AKAP9: variants seen among roughly 807,000 people sequenced by gnomAD.
AKAP9 encodes A-kinase anchoring protein 9.
A neutral mutation model predicts 488.5 loss-of-function variants in AKAP9; 311 were observed. That is an observed-to-expected ratio of 0.64 (90% CI 0.58 to 0.70). The LOEUF (loss-of-function observed/expected upper bound fraction) is 0.70, where lower values mean the gene tolerates loss of function less well. AKAP9 is among the 30% of genes least tolerant of loss of function. The pLI is 0.00. For missense variants in AKAP9, 4,215 were observed against 4,374.5 expected, an observed-to-expected ratio of 0.96 and a Z score of 1.03; for synonymous variants, 1,462 against 1,483.5, an observed-to-expected ratio of 0.99 and a Z score of 0.33.
At chr7:92,086,181 A>G (rs763336927) in intron 36 of AKAP9, 47 bp from the exon 37 acceptor site, 11 of 1,476,422 alleles carry the variant, frequency 7.5e-6, no homozygotes, top group Non-Finnish European at 7.5e-6. Context: ...AATGTTTTTA[A>G]AACATGCTTA....
intron 48 of AKAP9, among the ~76,000 whole-genome samples, 195 bp from the exon 49 acceptor site, chr7:92,108,299 T>A (rs1314368175): frequency 6.6e-6 from 1 of 152,252 alleles, no homozygotes; most frequent in Non-Finnish European, 1.5e-5. Flanking sequence ...ATTCTTATGT[T>A]GACTTAGTAG....
chr7:92,054,280 T>C (rs1271724542), intron 22 of AKAP9, among the ~76,000 whole-genome samples: 1 of 152,144 alleles, frequency 6.6e-6, no homozygotes, highest in Non-Finnish European at 1.5e-5. Flanking sequence ...AAATAACTTA[T>C]ATTCCACTTT....
rs140892789 is a variant in AKAP9, at chr7:91,949,158, AAT to A, written c.48+8022_48+8023del. Among the ~76,000 whole-genome samples the A allele has an allele frequency of 1.1e-3, 171 of 151,660 alleles. 2 individuals are homozygous for A. In the East Asian group the frequency reaches 0.031, roughly 28 times the overall value. On this transcript the variant is annotated intron_variant, in intron 1 of 49. Coordinates refer to ENST00000356239, the MANE Select transcript of AKAP9 (RefSeq NM_005751.5). ...TAATATTAATTATATATGTATATAA[AAT>A]ATATATATATCCTTTCCGTATGTGT...
chr7:92,061,518 A>G (rs1809787797), intron 23 of AKAP9, 96 bp downstream of exon 23: 5 of 1,362,528 alleles, frequency 3.7e-6, no homozygotes, highest in Non-Finnish European at 4.1e-6. Flanking sequence ...CGTCAATCCA[A>G]TTTAGAATGA....
In AKAP9 at chr7:92,070,177, C is replaced by G; in HGVS notation, c.6478C>G (p.Leu2160Val). 6.2e-7 allele frequency: 1 copy of G among 1,613,992 alleles called. No individual in the cohort carries two copies. The highest frequency in any genetic ancestry group is 2.2e-5 in the East Asian group (1 of 44,860). The change falls in exon 27 of 50, where the codon CTT becomes GTT. Residue 2160 changes from leucine to valine, a missense_variant. By Grantham distance (32) the Leu-to-Val change is conservative (BLOSUM62 1). This residue lies in a region of AKAP9 where 2,361 missense variants were observed against 2,430.0 expected (regional missense o/e 0.97). Coordinates refer to ENST00000356239, the MANE Select transcript of AKAP9 (RefSeq NM_005751.5). ...EFRVRELEQA[L>V]LVSADTFQKV... ...CAGAGTAAGAGAACTGGAGCAGGCG[C>G]TTCTTGTGAGTGCAGATACTTTTCA...
At chr7:91,967,116 A>G (rs917238607) in intron 1 of AKAP9, among the ~76,000 whole-genome samples, 11 of 151,496 alleles carry the variant, frequency 7.3e-5, no homozygotes, top group South Asian at 4.2e-4. Context: ...TCTTTTTCAG[A>G]TTGTTTGCTG....
intron 2 of AKAP9, among the ~76,000 whole-genome samples, chr7:91,974,193 CTG>C (rs576117048): frequency 1.0e-3 from 155 of 152,270 alleles, no homozygotes; most frequent in African/African-American, 3.7e-3. Context: ...ACACCAAAGA[CTG>C]AGCACCAGAG....
rs58922447 is a variant in AKAP9 at position 92,008,983 on chromosome 7, TA to T, written c.3319-3429del. 3.8e-3 allele frequency among the ~76,000 whole-genome samples: 492 copies of T among 130,628 alleles called. 1 individual carries two copies. Among genetic ancestry groups the T allele is most frequent in the African/African-American group, 5.4e-3 (189 of 34,854 alleles). 85.7% of individuals were successfully genotyped at this position (130,628 alleles called of 152,430 possible). On this transcript the variant is annotated intron_variant, in intron 8 of 49. Coordinates refer to ENST00000356239, the MANE Select transcript of AKAP9 (RefSeq NM_005751.5). ...CCTGGCAACAGAGCGAGACTCCATT[TA>T]AAAAAAAAAAAAAAAAGAAAATGAT...
chr7:92,062,256 G>T lies in AKAP9; in HGVS notation c.5765-18G>T. ...GAAATGAATAATAGTTCTATTTTCT[G>T]TTAATTTTGTATTATAGGCGTCATT... On this transcript the variant is annotated intron_variant, in intron 23 of 49. Transcript: ENST00000356239. 1 of 1,594,830 alleles carries T rather than the reference G, an allele frequency of 6.3e-7. No individual in the cohort carries two copies. The highest frequency in any genetic ancestry group is 8.6e-7 in the Non-Finnish European group (1 of 1,163,216).
chr7:91,957,966 A>G (rs1437306954), intron 1 of AKAP9, among the ~76,000 whole-genome samples: 1 of 152,168 alleles, frequency 6.6e-6, no homozygotes, highest in African/African-American at 2.4e-5. Context: ...GTTTAGAGAT[A>G]TGCAGAGATT....
At chr7:92,098,773 C>T (rs1435376076) in intron 43 of AKAP9, among the ~76,000 whole-genome samples, 1 of 152,210 alleles carries the variant, frequency 6.6e-6, no homozygotes, top group Non-Finnish European at 1.5e-5. Flanking sequence ...CCTGAGCTCT[C>T]ACTAGACTTA....
At chr7:91,984,014 A>T (rs1291151753) in intron 3 of AKAP9, among the ~76,000 whole-genome samples, 2 of 151,948 alleles carry the variant, frequency 1.3e-5, no homozygotes, top group Admixed American at 6.6e-5. Flanking sequence ...TAAGTTCTTT[A>T]TAGATTCTGG....
chr7:92,052,750 A>G lies in AKAP9; in HGVS notation c.5393A>G (p.Tyr1798Cys). Reference protein sequence around the residue: ...TRVTDESIPSYSGSDMPRNDI... With the variant: ...TRVTDESIPSCSGSDMPRNDI... ...GTTACAGATGAATCCATTCCCTCTT[A>G]TTCTGGAAGTGATATGCCAAGAAAT... is the stretch of plus-strand genomic sequence containing the variant. Residue 1798 changes from tyrosine to cysteine, a missense_variant, in exon 22 of 50, where the codon TAT becomes TGT. Tyr to Cys is a radical substitution (Grantham distance 194, BLOSUM62 -2). Around this residue, in one of 5 missense-constraint regions of AKAP9, gnomAD observed 2,361 missense variants for 2,430.0 expected, o/e 0.97. Coordinates refer to ENST00000356239, the MANE Select transcript of AKAP9 (RefSeq NM_005751.5). The G allele has an allele frequency of 2.5e-6, 4 of 1,612,988 alleles. No homozygotes were observed. Among genetic ancestry groups the G allele is most frequent in the Non-Finnish European group, 2.5e-6 (3 of 1,179,146 alleles).
At chr7:92,044,297 G>T (rs1222422189) in intron 20 of AKAP9, among the ~76,000 whole-genome samples, 1 of 152,066 alleles carries the variant, frequency 6.6e-6, no homozygotes, top group African/African-American at 2.4e-5. Flanking sequence ...GTTGAAAACA[G>T]GTTTCTTCTG....
Position 92,003,119 on chromosome 7 carries a change from G to A in AKAP9, c.3202G>A (p.Glu1068Lys), listed in dbSNP as rs1799372001. Residue 1068 changes from glutamate (E) to lysine (K), a missense_variant, in exon 8 of 50, where the codon GAA becomes AAA. Coordinates refer to ENST00000356239, the MANE Select transcript of AKAP9 (RefSeq NM_005751.5). ...GACTGTTGGAGAAGAAAGTAAGCAA[G>A]AACAGTTGATTTTGGATCACTTACC... ...NMTVGEESKQ[E>K]QLILDHLPSV... The A allele has an allele frequency of 6.2e-7, 1 of 1,611,248 alleles. No individual in the cohort carries two copies. The highest frequency in any genetic ancestry group is 2.2e-5 in the East Asian group (1 of 44,810).
chr7:92,058,743 T>C (rs1809244141), intron 22 of AKAP9, among the ~76,000 whole-genome samples: 1 of 152,052 alleles, frequency 6.6e-6, no homozygotes, highest in African/African-American at 2.4e-5. Context: ...GACTCGGTAT[T>C]ATGATACTTA....
At chr7:91,950,261 G>C (rs1422399639) in intron 1 of AKAP9, among the ~76,000 whole-genome samples, 1 of 120,320 alleles carries the variant, frequency 8.3e-6, no homozygotes, top group Non-Finnish European at 1.6e-5. Context: ...ACAGAGTCTT[G>C]CTCTGTCACC....
At chr7:92,045,494 A>T (rs1044860743) in intron 21 of AKAP9, among the ~76,000 whole-genome samples, 7 of 152,180 alleles carry the variant, frequency 4.6e-5, no homozygotes, top group African/African-American at 1.7e-4. Flanking sequence ...AAATTTATAT[A>T]TCAGCACTTA....
chr7:91,952,173 A>G (rs1792339376), intron 1 of AKAP9, among the ~76,000 whole-genome samples: 1 of 151,524 alleles, frequency 6.6e-6, no homozygotes, highest in Non-Finnish European at 1.5e-5. Flanking sequence ...ATTCAGAGAT[A>G]GTCACAAGCT....
Sources: gnomAD v4.1 joint callset for allele counts (sites outside exome capture counted in the v4.1 genomes callset) on GRCh38, gnomAD v4.1.1 for gene constraint, gnomAD v4.1.1 regional missense constraint, MANE v1.5 for transcripts, NCBI Gene and HGNC (gene_info 2026-07-23, HGNC 2026-07-21) for gene names.